CPVL: variants seen among roughly 807,000 people sequenced by gnomAD.
The protein encoded by CPVL is carboxypeptidase vitellogenic like.
Under a neutral mutation model 63.7 loss-of-function variants are expected in CPVL, and 51 were observed. The observed-to-expected ratio is 0.80, with a 90% CI of 0.64 to 1.01. The LOEUF (loss-of-function observed/expected upper bound fraction) is 1.01. Ranked by LOEUF, CPVL falls within the 50% of genes least tolerant of loss-of-function variation. CPVL has a pLI of 0.00. For missense variants in CPVL, 530 were observed against 573.1 expected, an observed-to-expected ratio of 0.92 and a Z score of 0.77; for synonymous variants, 195 against 206.0, an observed-to-expected ratio of 0.95 and a Z score of 0.46.
chr7:29,135,204 T>C (rs568173862), intron 1 of CPVL, among the ~76,000 whole-genome samples: 1 of 151,588 alleles, frequency 6.6e-6, no homozygotes. Context: ...AAAGGAACCA[T>C]CAAGTTCCCA....
At chr7:29,180,020 A>G (rs963431864) in intron 5 of CPVL, among the ~76,000 whole-genome samples, 4 of 152,224 alleles carry the variant, frequency 2.6e-5, no homozygotes, top group Non-Finnish European at 5.9e-5. Context: ...GGAAATATCA[A>G]TGAGAAATAA....
In CPVL at chr7:29,064,115, TTC is replaced by T; in HGVS notation, c.1081_1082del (p.Glu361ArgfsTer7). ...DGTIVEKYLR[E>X]DTVQSVKPWL... is the part of the protein sequence containing the mutation. ...ATGGCTTAACTGACTGTACTGTATC[TTC>T]TCGCAAGTACTTTTCAACTATAGTT... On this transcript the variant is annotated frameshift_variant, in exon 11 of 13. Coordinates refer to ENST00000265394, the MANE Select transcript of CPVL (RefSeq NM_031311.5). LOFTEE classifies it high-confidence loss of function. 1 of 1,613,380 alleles carries T rather than the reference TTC, an allele frequency of 6.2e-7. No homozygotes were observed. Among genetic ancestry groups the T allele is most frequent in the Non-Finnish European group, 8.5e-7 (1 of 1,179,326 alleles).
chr7:29,162,668 A>T lies in CPVL; in HGVS notation c.-11+18622T>A, dbSNP rs577924730. Among the ~76,000 whole-genome samples, 4 of 152,104 alleles carry T rather than the reference A, an allele frequency of 2.6e-5. No individual in the cohort carries two copies. In the South Asian group the frequency reaches 8.3e-4, roughly 32 times the overall value. On this transcript the variant is annotated intron_variant, in intron 5 of 16. Coordinates refer to the CPVL transcript ENST00000409850. ...AAGAGTGAAACTCCATCTCAAAAAA[A>T]AAAAAAAAAAAAGAACATTATGACA...
Position 29,071,870 on chromosome 7 carries a change from A to G in CPVL, c.767T>C (p.Ile256Thr), listed in dbSNP as rs1562753956. ...TTTTTGCTTCTCATCCAACAAGCCA[A>G]TTTGGTACAGGAATTCTGCATAGCC... ...IGGYAEFLYQ[I>T]GLLDEKQKKY... Residue 256 changes from isoleucine (I) to threonine (T), a missense_variant, in exon 9 of 13, where the codon ATT becomes ACT. Ile to Thr is a moderately conservative substitution (Grantham distance 89). Transcript: ENST00000265394. The G allele has an allele frequency of 6.2e-7, 1 of 1,614,134 alleles. No individual in the cohort carries two copies.
intron 9 of CPVL, among the ~76,000 whole-genome samples, chr7:29,070,440 T>C (rs1783627006): frequency 6.6e-6 from 1 of 152,248 alleles, no homozygotes. Flanking sequence ...ATTGGTCTCA[T>C]GCCACATAAA....
At chr7:29,144,485 C>G (rs186040824) in intron 1 of CPVL, among the ~76,000 whole-genome samples, 3 of 152,172 alleles carry the variant, frequency 2.0e-5, no homozygotes, top group Admixed American at 6.5e-5. Flanking sequence ...CCCTTGAACC[C>G]GGGAGATGGA....
chr7:29,121,470 T>C (rs867209718), intron 1 of CPVL, among the ~76,000 whole-genome samples: 4 of 152,134 alleles, frequency 2.6e-5, no homozygotes, highest in Non-Finnish European at 5.9e-5. Context: ...TTTTTTAAAA[T>C]GCAGTTTGGA....
At chr7:29,088,489 G>A (rs919681812) in intron 6 of CPVL, among the ~76,000 whole-genome samples, 4 of 152,140 alleles carry the variant, frequency 2.6e-5, no homozygotes, top group Middle Eastern at 3.4e-3. Flanking sequence ...ACTTAGTAGC[G>A]TGGTAGCACT....
At chr7:29,142,628 C>A (rs1307413948) in intron 1 of CPVL, among the ~76,000 whole-genome samples, 3 of 150,224 alleles carry the variant, frequency 2.0e-5, no homozygotes, top group African/African-American at 7.4e-5. Flanking sequence ...CGGGTTGCAG[C>A]GATTCTCCCG....
chr7:29,044,037 C>T (rs1789382512), intron 11 of CPVL, among the ~76,000 whole-genome samples: 1 of 152,130 alleles, frequency 6.6e-6, no homozygotes, highest in African/African-American at 2.4e-5. Context: ...AAGACAAAAG[C>T]ATTGGCTTTC....
At chr7:29,000,408 T>G (rs1784502879) in intron 12 of CPVL, among the ~76,000 whole-genome samples, 1 of 150,368 alleles carries the variant, frequency 6.7e-6, no homozygotes, top group Non-Finnish European at 1.5e-5. Flanking sequence ...GGAAACTGTG[T>G]GTGGAAATGC....
chr7:29,109,187 C>A (rs138197591), intron 3 of CPVL, among the ~76,000 whole-genome samples: 1 of 152,318 alleles, frequency 6.6e-6, no homozygotes, highest in African/African-American at 2.4e-5. Flanking sequence ...ATGCCTACTC[C>A]TTTCTCTTGC....
At chr7:29,073,591 G>C (rs979663824) in intron 7 of CPVL, among the ~76,000 whole-genome samples, 11 of 152,130 alleles carry the variant, frequency 7.2e-5, no homozygotes, top group African/African-American at 2.7e-4. Flanking sequence ...CAGGCCTTTG[G>C]ACCAGCCATT....
At chr7:29,134,785 G>T (rs2128662199) in intron 1 of CPVL, among the ~76,000 whole-genome samples, 1 of 152,172 alleles carries the variant, frequency 6.6e-6, no homozygotes, top group Non-Finnish European at 1.5e-5. Flanking sequence ...CTGACTAATG[G>T]GAGTTCCAGA....
chr7:29,081,003 A>C (rs1471421881), intron 7 of CPVL, among the ~76,000 whole-genome samples: 1 of 152,200 alleles, frequency 6.6e-6, no homozygotes, highest in Non-Finnish European at 1.5e-5. Context: ...CCACTGCCAC[A>C]ACCTCCCACG....
rs971229027 is a variant in CPVL, at chr7:29,140,752, C to G, written c.-11+5677G>C. ...ATCGCACCCTCTCTCCAAAGACTCC[C>G]CAGGGAAGGAAAATAAGAAAAAAGC... On this transcript the variant is annotated intron_variant, in intron 1 of 12. Coordinates refer to ENST00000265394, the MANE Select transcript of CPVL (RefSeq NM_031311.5). 2.0e-5 allele frequency among the ~76,000 whole-genome samples: 3 copies of G among 152,078 alleles called. No homozygotes were observed. The South Asian group carries it at 6.2e-4, about 32-fold the overall frequency.
At chr7:29,163,116 T>C (rs920041596) in intron 5 of CPVL, among the ~76,000 whole-genome samples, 8 of 152,130 alleles carry the variant, frequency 5.3e-5, no homozygotes, top group African/African-American at 1.9e-4. Flanking sequence ...TCCTTATGAG[T>C]CTGTAATTAT....
chr7:29,037,041 C>T (rs1287189153), intron 11 of CPVL, among the ~76,000 whole-genome samples: 3 of 152,184 alleles, frequency 2.0e-5, no homozygotes, highest in Non-Finnish European at 4.4e-5. Context: ...TCCATAAGAA[C>T]ACATTGAACA....
intron 7 of CPVL, among the ~76,000 whole-genome samples, chr7:29,075,479 T>C (rs1232446633): frequency 1.3e-5 from 2 of 149,136 alleles, no homozygotes; most frequent in African/African-American, 2.5e-5. Flanking sequence ...TCTAATTGCA[T>C]TTCAGTCAAC....
Sources: gnomAD v4.1 joint callset for allele counts (sites outside exome capture counted in the v4.1 genomes callset) on GRCh38, gnomAD v4.1.1 for gene constraint, MANE v1.5 for transcripts, NCBI Gene and HGNC (gene_info 2026-07-23, HGNC 2026-07-21) for gene names.